The following ZPLD1 variants were observed in gnomAD, a reference collection of about 807,000 sequenced individuals.
ZPLD1 encodes the protein zona pellucida-like domain-containing protein 1.
Under a neutral mutation model 47.2 loss-of-function variants are expected in ZPLD1, and 34 were observed. That is an observed-to-expected ratio of 0.72 (90% CI 0.55 to 0.96). ZPLD1 has a LOEUF of 0.96. Ranked by LOEUF, ZPLD1 falls within the 40% of genes least tolerant of loss-of-function variation. The pLI, the probability that ZPLD1 is intolerant of heterozygous loss-of-function variation, is 0.00. For missense variants in ZPLD1, 512 were observed against 505.8 expected, an observed-to-expected ratio of 1.01 and a Z score of -0.12; for synonymous variants, 176 against 186.2, an observed-to-expected ratio of 0.95 and a Z score of 0.45.
chr3:102,438,406 G>T, intron 2 of ZPLD1, 74 bp from the exon 3 acceptor site: 1 of 1,044,518 alleles, frequency 9.6e-7, no homozygotes, highest in Non-Finnish European at 1.5e-6. Flanking sequence ...GCTGAGATCA[G>T]CCTCAGTTTT....
At chr3:102,391,552 A>G (rs1264336269) in intron 6 of ZPLD1, among the ~76,000 whole-genome samples, 1 of 152,030 alleles carries the variant, frequency 6.6e-6, no homozygotes, top group Admixed American at 6.6e-5. Flanking sequence ...TGTTATTGGG[A>G]ACATGTTATA....
At chr3:102,439,530 A>C (rs1707143325) in intron 3 of ZPLD1, among the ~76,000 whole-genome samples, 1 of 152,240 alleles carries the variant, frequency 6.6e-6, no homozygotes, top group Non-Finnish European at 1.5e-5. Context: ...AAATTTGCTA[A>C]GGCAGAGTTG....
intron 10 of ZPLD1, among the ~76,000 whole-genome samples, chr3:102,475,216 T>C (rs1268513117): frequency 2.6e-5 from 4 of 152,102 alleles, no homozygotes; most frequent in African/African-American, 7.2e-5. Context: ...AAAGGGTGTG[T>C]CTTTTCCCCA....
chr3:102,398,526 A>G (rs77174792), intron 7 of ZPLD1, among the ~76,000 whole-genome samples: 21,918 of 152,024 alleles, frequency 0.14, 2,068 homozygotes, highest in Middle Eastern at 0.23. Context: ...TTTCCCCTTT[A>G]TATACTACCT....
chr3:102,442,249 G>C (rs565914985), intron 3 of ZPLD1, among the ~76,000 whole-genome samples: 4 of 150,104 alleles, frequency 2.7e-5, no homozygotes, highest in Admixed American at 1.3e-4. Context: ...TAGCACTTTA[G>C]GTACTATCTG....
rs551158863 is a variant in ZPLD1 at position 102,468,937 on chromosome 3, C to A, written c.762-27C>A. The A allele has an allele frequency of 2.6e-5, 41 of 1,596,322 alleles. No individual in the cohort carries two copies. In the South Asian group the frequency reaches 4.4e-4, roughly 17 times the overall value. On this transcript the variant is annotated intron_variant, in intron 8 of 11. Coordinates refer to ENST00000466937, the MANE Select transcript of ZPLD1 (RefSeq NM_001329788.2). ...GTAGGTTGGTACTTTCCAGTGATGT[C>A]CTGTTTTCACGTTCCCTAAAATTTA... is the stretch of plus-strand genomic sequence containing the variant.
chr3:102,425,503 TC>T (rs1390418596), intron 8 of ZPLD1, among the ~76,000 whole-genome samples: 2 of 152,150 alleles, frequency 1.3e-5, no homozygotes, highest in Admixed American at 1.3e-4. Context: ...CTGTCCCTGG[TC>T]CCAGCCTCAC....
chr3:102,456,543 TTATATCTATCTATCTA>T (rs1206724070), intron 5 of ZPLD1, among the ~76,000 whole-genome samples, 169 bp downstream of exon 5: 6 of 125,326 alleles, frequency 4.8e-5, no homozygotes, highest in African/African-American at 1.8e-4. Flanking sequence ...TGTTTATCTA[TTATATCTATCTATCTA>T]TCTATCTATC....
upstream of ZPLD1, among the ~76,000 whole-genome samples, chr3:102,432,863 C>T (rs534695452): frequency 1.3e-5 from 2 of 152,168 alleles, no homozygotes; most frequent in South Asian, 2.1e-4. Flanking sequence ...AATCAATGTT[C>T]CCCCCAGCAA....
chr3:102,465,232 A>T (rs1707572933), intron 8 of ZPLD1, among the ~76,000 whole-genome samples: 2 of 152,218 alleles, frequency 1.3e-5, no homozygotes, highest in African/African-American at 4.8e-5. Context: ...AAATAGTAAA[A>T]CATGGGAACA....
chr3:102,425,896 C>T (rs1171671296), intron 8 of ZPLD1, among the ~76,000 whole-genome samples: 3 of 149,918 alleles, frequency 2.0e-5, no homozygotes, highest in African/African-American at 7.4e-5. Flanking sequence ...TTGCAAAGTT[C>T]TATAACTTAG....
upstream of ZPLD1, among the ~76,000 whole-genome samples, chr3:102,432,780 G>C (rs775662148): frequency 1.3e-5 from 2 of 150,498 alleles, no homozygotes; most frequent in African/African-American, 4.8e-5. Context: ...TTTTATTTGA[G>C]AAGTAGCTAA....
intron 8 of ZPLD1, among the ~76,000 whole-genome samples, chr3:102,464,523 A>C (rs1707563308): frequency 6.6e-6 from 1 of 152,204 alleles, no homozygotes; most frequent in Admixed American, 6.5e-5. Flanking sequence ...GAATATGGGA[A>C]TATTTCACTG....
At chr3:102,435,014 G>A, upstream of ZPLD1, 1 of 1,330,136 alleles carries the variant, frequency 7.5e-7, no homozygotes. Context: ...TTTGAGGAAT[G>A]TAAAGGGTGT....
intron 8 of ZPLD1, among the ~76,000 whole-genome samples, chr3:102,428,020 CAG>C (rs1706970407): frequency 6.6e-6 from 1 of 152,034 alleles, no homozygotes; most frequent in African/African-American, 2.4e-5. Flanking sequence ...GAGGAAGAAA[CAG>C]ATATTCTATG....
chr3:102,446,379 T>C (rs147539603), intron 3 of ZPLD1, among the ~76,000 whole-genome samples: 3 of 152,254 alleles, frequency 2.0e-5, no homozygotes. Flanking sequence ...TCTCTTCTTA[T>C]CTGAATACTC....
chr3:102,396,844 C>T (rs1162253342), intron 7 of ZPLD1, among the ~76,000 whole-genome samples: 2 of 152,064 alleles, frequency 1.3e-5, no homozygotes, highest in Non-Finnish European at 2.9e-5. Context: ...CTGGCAATTT[C>T]TCTAAACAGA....
In ZPLD1 at chr3:102,456,354, T is replaced by A; in HGVS notation, c.489T>A (p.Val163=). 6.2e-7 allele frequency: 1 copy of A among 1,612,348 alleles called. No individual in the cohort carries two copies. Among genetic ancestry groups the A allele is most frequent in the Non-Finnish European group, 8.5e-7 (1 of 1,179,366 alleles). The part of the protein sequence containing the change: ...FSCSYPLEYL[V]NNTQLASSSA... ...GTAGTTATCCATTGGAATACCTGGT[T>A]AATAATACCCAGCTTGCTTCGTAAG... Residue 163 remains valine, a synonymous_variant, in exon 5 of 12, where the codon GTT becomes GTA. Coordinates refer to ENST00000466937, the MANE Select transcript of ZPLD1 (RefSeq NM_001329788.2).
In ZPLD1 at chr3:102,462,318, T is replaced by C. The variant is rs769128999; in HGVS notation, c.620T>C (p.Ile207Thr). 3 of 1,611,678 alleles carry C rather than the reference T, an allele frequency of 1.9e-6. No individual in the cohort carries two copies. Among genetic ancestry groups the C allele is most frequent in the Non-Finnish European group, 2.5e-6 (3 of 1,178,800 alleles). ...AACCAGCAGTTAATTATCCCCAGTA[T>C]AGGATTACCTTTGAAAACCAAAGTA... ...TYNQQLIIPS[I>T]GLPLKTKVFA... The change falls in exon 7 of 12, where the codon ATA becomes ACA. Residue 207 changes from isoleucine to threonine, a missense_variant. By Grantham distance (89) the Ile-to-Thr change is moderately conservative. Transcript: ENST00000466937.
Sources: gnomAD v4.1 joint callset for allele counts (sites outside exome capture counted in the v4.1 genomes callset) on GRCh38, gnomAD v4.1.1 for gene constraint, MANE v1.5 for transcripts, NCBI Gene and HGNC (gene_info 2026-07-23, HGNC 2026-07-21) for gene names.